RNF130: variants seen among roughly 807,000 people sequenced by gnomAD.
The protein encoded by RNF130 is E3 ubiquitin-protein ligase RNF130.
A neutral mutation model predicts 44.6 loss-of-function variants in RNF130; 21 were observed. The observed-to-expected ratio is 0.47, with a 90% CI of 0.33 to 0.68. The LOEUF (loss-of-function observed/expected upper bound fraction) is 0.68, where lower values mean the gene tolerates loss of function less well. RNF130 is among the 30% of genes least tolerant of loss of function. RNF130 has a pLI of 0.02. For synonymous variants in RNF130, 214 were observed against 210.4 expected, an observed-to-expected ratio of 1.02 and a Z score of -0.15; for missense variants, 479 against 560.6, an observed-to-expected ratio of 0.85 and a Z score of 1.47.
chr5:180,052,347 A>C (rs1490622695), intron 1 of RNF130, among the ~76,000 whole-genome samples: 1 of 152,210 alleles, frequency 6.6e-6, no homozygotes, highest in East Asian at 1.9e-4. Context: ...AGTTCTGGCT[A>C]ACAGCATCAT....
At chr5:180,063,211 G>C (rs1011601259) in intron 1 of RNF130, among the ~76,000 whole-genome samples, 5 of 152,152 alleles carry the variant, frequency 3.3e-5, no homozygotes, top group Non-Finnish European at 5.9e-5. Context: ...ATTGAAAGAA[G>C]TTAAGAAAAA....
At chr5:179,937,127 TATC>T (rs1488153862) in intron 7 of RNF130, among the ~76,000 whole-genome samples, 1 of 152,130 alleles carries the variant, frequency 6.6e-6, no homozygotes, top group African/African-American at 2.4e-5. Context: ...CAAAACGAAA[TATC>T]ATCAAAACGA....
At chr5:180,064,667 T>C (rs77241190) in intron 1 of RNF130, among the ~76,000 whole-genome samples, 2,132 of 152,368 alleles carry the variant, frequency 0.014, 36 homozygotes, top group Non-Finnish European at 0.024. Context: ...CTAGAAACTA[T>C]CTCTTGAATC....
intron 7 of RNF130, among the ~76,000 whole-genome samples, chr5:179,921,774 G>C (rs1248229144): frequency 3.9e-5 from 6 of 151,904 alleles, no homozygotes; most frequent in African/African-American, 1.5e-4. Flanking sequence ...TGTCATCCCA[G>C]CACTTTGGGA....
At chr5:179,933,845 TG>T (rs1761847563) in intron 7 of RNF130, 1 of 789,030 alleles carries the variant, frequency 1.3e-6, no homozygotes, top group African/African-American at 1.7e-5. Flanking sequence ...TGTGTGTTTT[TG>T]TCTTGCTTCT....
chr5:180,040,301 A>G, intron 2 of RNF130, 152 bp downstream of exon 2: 6 of 676,740 alleles, frequency 8.9e-6, no homozygotes, highest in Non-Finnish European at 4.9e-6. Context: ...AAATTCAACT[A>G]TGGGGAAAAA....
At position 180,071,451 on chromosome 5, in the gene RNF130, C is replaced by T. The variant is rs1345008741; in HGVS notation, c.247+5G>A. The T allele has an allele frequency of 1.0e-4, 127 of 1,239,064 alleles. No individual in the cohort carries two copies. Among genetic ancestry groups the T allele is most frequent in the Non-Finnish European group, 1.2e-4 (121 of 990,390 alleles). The allele number at this position is 1,239,064 out of a possible 1,614,324, so 76.8% of individuals were successfully genotyped here. A position where few individuals can be genotyped will look rare whatever the true frequency, so the allele number is the denominator to read the frequency against. On this transcript the variant is annotated splice_donor_5th_base_variant and intron_variant, in intron 1 of 8. Coordinates refer to ENST00000521389, the MANE Select transcript of RNF130 (RefSeq NM_018434.6). ...ACCGCCCGCCGCCCCCGGGCCGGCA[C>T]TCACCTCCGTGGAGGGGCAGCGGCG...
intron 1 of RNF130, among the ~76,000 whole-genome samples, chr5:180,053,828 T>C (rs1304129404): frequency 6.8e-6 from 1 of 146,594 alleles, no homozygotes; most frequent in Non-Finnish European, 1.5e-5. Flanking sequence ...ATACATTCTT[T>C]TTTTTTTTTT....
chr5:179,967,798 T>A (rs1762484196), intron 6 of RNF130, among the ~76,000 whole-genome samples: 1 of 152,220 alleles, frequency 6.6e-6, no homozygotes, highest in Admixed American at 6.5e-5. Flanking sequence ...ACTAATGGCT[T>A]CCTGGGCAAA....
At chr5:179,988,483 A>C (rs1763004047) in intron 3 of RNF130, among the ~76,000 whole-genome samples, 1 of 152,168 alleles carries the variant, frequency 6.6e-6, no homozygotes, top group South Asian at 2.1e-4. Context: ...CTTGAGGTGC[A>C]TAACTGGGCT....
chr5:180,068,656 A>C (rs1481714434), intron 1 of RNF130, among the ~76,000 whole-genome samples: 4 of 152,268 alleles, frequency 2.6e-5, no homozygotes, highest in African/African-American at 9.6e-5. Flanking sequence ...AACTGATAGT[A>C]GCACTGCAAA....
chr5:179,965,069 C>T (rs1292443339), intron 7 of RNF130, among the ~76,000 whole-genome samples: 2 of 152,168 alleles, frequency 1.3e-5, no homozygotes, highest in Non-Finnish European at 2.9e-5. Context: ...TGCAGACTAC[C>T]TTGTAGAACT....
At chr5:180,018,096 A>C (rs1393976874) in intron 2 of RNF130, among the ~76,000 whole-genome samples, 1 of 152,158 alleles carries the variant, frequency 6.6e-6, no homozygotes, top group African/African-American at 2.4e-5. Context: ...GGAGTTTGAG[A>C]CCAGCCTAGC....
chr5:180,031,615 T>C (rs1376603868), intron 2 of RNF130, among the ~76,000 whole-genome samples: 1 of 152,238 alleles, frequency 6.6e-6, no homozygotes, highest in Non-Finnish European at 1.5e-5. Flanking sequence ...CTATATTCAA[T>C]TTTATGGACA....
intron 2 of RNF130, among the ~76,000 whole-genome samples, chr5:180,018,596 C>A (rs1177498129): frequency 6.6e-6 from 1 of 152,126 alleles, no homozygotes; most frequent in African/African-American, 2.4e-5. Flanking sequence ...CAGAGCCAAA[C>A]CATATGATGA....
intron 2 of RNF130, among the ~76,000 whole-genome samples, chr5:180,032,482 C>T (rs1764152351): frequency 6.6e-6 from 1 of 152,112 alleles, no homozygotes; most frequent in Non-Finnish European, 1.5e-5. Flanking sequence ...AGTGATTCTA[C>T]CACTTTAGCC....
chr5:179,996,388 G>A (rs752342454), intron 3 of RNF130, among the ~76,000 whole-genome samples: 3 of 152,194 alleles, frequency 2.0e-5, no homozygotes, highest in African/African-American at 4.8e-5. Context: ...TGGGCATCCT[G>A]TGTTTTTCCA....
At chr5:180,049,824 T>C (rs1487237908) in intron 1 of RNF130, among the ~76,000 whole-genome samples, 2 of 152,196 alleles carry the variant, frequency 1.3e-5, no homozygotes, top group African/African-American at 4.8e-5. Context: ...TTTTTTTCCC[T>C]CTCCTTTCTG....
chr5:179,924,363 C>T (rs1467730621), intron 7 of RNF130, among the ~76,000 whole-genome samples: 3 of 149,246 alleles, frequency 2.0e-5, no homozygotes, highest in African/African-American at 2.5e-5. Context: ...GACATGGTGG[C>T]GCATGGCTGT....
Sources: allele counts gnomAD v4.1 joint callset (sites outside exome capture counted in the v4.1 genomes callset), GRCh38; gene constraint gnomAD v4.1.1; transcripts MANE v1.5; gene names NCBI Gene and HGNC (gene_info 2026-07-23, HGNC 2026-07-21).